Variants in KCNQ5 observed in about 807,000 individuals in gnomAD.
KCNQ5 encodes the protein potassium voltage-gated channel subfamily KQT member 5.
Under a neutral mutation model 98.2 loss-of-function variants are expected in KCNQ5, and 30 were observed. The observed-to-expected ratio is 0.31, with a 90% CI of 0.23 to 0.41. The LOEUF (loss-of-function observed/expected upper bound fraction) is 0.41. KCNQ5 is among the 10% of genes least tolerant of loss of function. The pLI is 1.00. For synonymous variants in KCNQ5, 458 were observed against 449.4 expected, an observed-to-expected ratio of 1.02 and a Z score of -0.24; for missense variants, 835 against 1,182.5, an observed-to-expected ratio of 0.71 and a Z score of 4.31.
intron 5 of KCNQ5, among the ~76,000 whole-genome samples, chr6:73,088,300 C>T (rs13204160): frequency 6.6e-6 from 1 of 152,122 alleles, no homozygotes; most frequent in Non-Finnish European, 1.5e-5. Context: ...AGATTACAGG[C>T]ATAAGCCACC....
At chr6:73,135,990 A>G (rs1172728187) in intron 10 of KCNQ5, 1 of 152,132 alleles carries the variant, frequency 6.6e-6, no homozygotes, top group African/African-American at 2.4e-5. Context: ...ATCTCTAAAG[A>G]CCCTATCTCC....
intron 1 of KCNQ5, among the ~76,000 whole-genome samples, chr6:72,924,580 T>C (rs775677133): frequency 6.6e-6 from 1 of 152,172 alleles, no homozygotes; most frequent in Non-Finnish European, 1.5e-5. Flanking sequence ...TATTTTTAAA[T>C]CTACTATTCA....
chr6:72,721,297 T>A (rs1769945555), intron 1 of KCNQ5, among the ~76,000 whole-genome samples: 1 of 152,200 alleles, frequency 6.6e-6, no homozygotes, highest in African/African-American at 2.4e-5. Context: ...TTTTTTTTCC[T>A]TTATGCTTAA....
chr6:73,025,899 C>T (rs930918234), intron 2 of KCNQ5, among the ~76,000 whole-genome samples: 2 of 152,264 alleles, frequency 1.3e-5, no homozygotes, highest in South Asian at 2.1e-4. Context: ...GAATAGTATT[C>T]ACTTGAAAGT....
chr6:72,831,113 A>G (rs1776247073), intron 1 of KCNQ5, among the ~76,000 whole-genome samples: 1 of 152,170 alleles, frequency 6.6e-6, no homozygotes, highest in East Asian at 1.9e-4. Context: ...AAATAGGAAC[A>G]TTTTTACACG....
intron 5 of KCNQ5, among the ~76,000 whole-genome samples, chr6:73,093,797 A>C (rs1489045199): frequency 1.3e-5 from 2 of 151,986 alleles, no homozygotes; most frequent in African/African-American, 4.8e-5. Flanking sequence ...AATTTTCTTA[A>C]ATTTATTGAG....
At chr6:73,136,672 A>G (rs990661162) in intron 10 of KCNQ5, 8 of 152,200 alleles carry the variant, frequency 5.3e-5, no homozygotes, top group Non-Finnish European at 1.0e-4. Flanking sequence ...ATTTAATCCA[A>G]TAGTCCAGAA....
At chr6:73,009,323 C>A (rs1302951731) in intron 2 of KCNQ5, among the ~76,000 whole-genome samples, 1 of 151,840 alleles carries the variant, frequency 6.6e-6, no homozygotes, top group Non-Finnish European at 1.5e-5. Flanking sequence ...ACCAATGGGT[C>A]AAAAAATAAG....
chr6:72,877,080 A>T (rs1048293083), intron 1 of KCNQ5, among the ~76,000 whole-genome samples: 9 of 151,996 alleles, frequency 5.9e-5, no homozygotes, highest in African/African-American at 1.7e-4. Context: ...AATTTCTGGG[A>T]TACATGTACA....
At chr6:72,860,365 T>TGG (rs923975324) in intron 1 of KCNQ5, among the ~76,000 whole-genome samples, 10 of 152,110 alleles carry the variant, frequency 6.6e-5, no homozygotes, top group Non-Finnish European at 8.8e-5. Context: ...CAGTCTTTCT[T>TGG]GGTGGCGGAA....
chr6:73,166,107 C>T lies in KCNQ5; in HGVS notation c.1469-3639C>T, dbSNP rs572912428. Among the ~76,000 whole-genome samples the T allele has an allele frequency of 2.6e-5, 4 of 152,106 alleles. No homozygotes were observed. The South Asian group carries it at 8.3e-4, about 32-fold the overall frequency. ...AAGTTTCTTAGCCTTCTGTTCCTCACTTTCATAATCTATAAAACAAGAGGT... is the reference window on the plus strand; with the variant it reads ...AAGTTTCTTAGCCTTCTGTTCCTCATTTTCATAATCTATAAAACAAGAGGT... On this transcript the variant is annotated intron_variant, in intron 10 of 13. Coordinates refer to ENST00000370398, the MANE Select transcript of KCNQ5 (RefSeq NM_019842.4).
intron 1 of KCNQ5, among the ~76,000 whole-genome samples, chr6:72,724,785 C>T (rs541788042): frequency 1.1e-4 from 17 of 152,268 alleles, no homozygotes; most frequent in African/African-American, 3.1e-4. Flanking sequence ...TGGTTTTACT[C>T]ATGAATAAGC....
At chr6:72,786,863 G>A (rs1374553255) in intron 1 of KCNQ5, among the ~76,000 whole-genome samples, 5 of 151,696 alleles carry the variant, frequency 3.3e-5, no homozygotes, top group East Asian at 1.9e-4. Flanking sequence ...AAAATTAGCC[G>A]GGCGTGGTGG....
At chr6:72,966,111 C>G (rs1767597933) in intron 1 of KCNQ5, among the ~76,000 whole-genome samples, 1 of 152,178 alleles carries the variant, frequency 6.6e-6, no homozygotes, top group East Asian at 1.9e-4. Context: ...ATTTTTATTA[C>G]TTTGAGATAT....
chr6:72,787,371 C>T (rs1452023180), intron 1 of KCNQ5, among the ~76,000 whole-genome samples: 2 of 152,052 alleles, frequency 1.3e-5, no homozygotes, highest in Non-Finnish European at 1.5e-5. Context: ...ACCATATGGC[C>T]CACAAAGCCT....
chr6:72,721,177 A>C (rs995496499), intron 1 of KCNQ5, among the ~76,000 whole-genome samples: 2 of 152,210 alleles, frequency 1.3e-5, no homozygotes, highest in African/African-American at 4.8e-5. Flanking sequence ...GGATTTTAAA[A>C]ATTAATATTA....
chr6:73,158,563 T>G (rs7762949), intron 10 of KCNQ5, among the ~76,000 whole-genome samples: 110,464 of 151,932 alleles, frequency 0.73, 41,229 homozygotes, highest in East Asian at 0.89. Flanking sequence ...ACCGCACCCG[T>G]CCTGGAAGAT....
Position 73,195,189 on chromosome 6 carries a change from A to G in KCNQ5, c.2574A>G (p.Gln858=), listed in dbSNP as rs753369344. 13 of 1,614,088 alleles carry G rather than the reference A, an allele frequency of 8.1e-6. No individual in the cohort carries two copies. The East Asian group carries it at 2.4e-4, about 30-fold the overall frequency. ...AGTCAAGTGGCTCCAGAGGCAGCCAAGATTTTTACCCCAAATGGAGGGAAT... is the reference window on the plus strand; with the variant it reads ...AGTCAAGTGGCTCCAGAGGCAGCCAGGATTTTTACCCCAAATGGAGGGAAT... The part of the protein sequence containing the change: ...GSESSGSRGS[Q]DFYPKWRESK... Residue 858 remains glutamine, a synonymous_variant, in exon 14 of 14, where the codon CAA becomes CAG. Coordinates refer to ENST00000370398, the MANE Select transcript of KCNQ5 (RefSeq NM_019842.4).
Position 72,928,130 on chromosome 6 carries a change from C to T in KCNQ5, c.399-75778C>T, listed in dbSNP as rs554699497. Among the ~76,000 whole-genome samples the T allele has an allele frequency of 8.5e-5, 13 of 152,102 alleles. No homozygotes were observed. The South Asian group carries it at 1.5e-3, about 17-fold the overall frequency. On this transcript the variant is annotated intron_variant, in intron 1 of 13. Coordinates refer to ENST00000370398, the MANE Select transcript of KCNQ5 (RefSeq NM_019842.4). ...AGGTGAGGTTACCTGAGAAGAAACC[C>T]GTGTTTTCATGTTCATCTCTTTAAC...
Sources: allele counts gnomAD v4.1 joint callset (sites outside exome capture counted in the v4.1 genomes callset), GRCh38; gene constraint gnomAD v4.1.1; transcripts MANE v1.5; gene names NCBI Gene and HGNC (gene_info 2026-07-23, HGNC 2026-07-21).